Variants in GPR39 observed in about 807,000 individuals in gnomAD.
GPR39 encodes G protein-coupled receptor 39.
Under a neutral mutation model 18.4 loss-of-function variants are expected in GPR39, and 23 were observed. The ratio of observed to expected loss-of-function variants is 1.25; its 90% CI spans 0.90 to 1.77. The LOEUF (loss-of-function observed/expected upper bound fraction) is 1.77, where lower values mean the gene tolerates loss of function less well. Ranked by LOEUF, GPR39 falls within the 40% of genes most tolerant of loss-of-function variation. The probability of loss-of-function intolerance (pLI) is 0.00; values close to 1 mark genes in which losing one functional copy is unlikely to be tolerated. For synonymous variants in GPR39, 280 were observed against 257.9 expected, an observed-to-expected ratio of 1.09 and a Z score of -0.82; for missense variants, 647 against 602.4, an observed-to-expected ratio of 1.07 and a Z score of -0.78.
chr2:132,572,929 T>C (rs573383971), intron 1 of GPR39, among the ~76,000 whole-genome samples: 1 of 152,152 alleles, frequency 6.6e-6, no homozygotes, highest in South Asian at 2.1e-4. Flanking sequence ...TCTGTGGAGG[T>C]AGAGTCAGGA....
chr2:132,511,226 A>C lies in GPR39; in HGVS notation c.856+93328A>C, dbSNP rs548669480. On this transcript the variant is annotated intron_variant, in intron 1 of 1. Coordinates refer to ENST00000329321, the MANE Select transcript of GPR39 (RefSeq NM_001508.3). ...CATTTTCATATAGATTCAGTCTCCAAACCAAACCTGATATTTTATAACACT... is the reference window on the plus strand; with the variant it reads ...CATTTTCATATAGATTCAGTCTCCACACCAAACCTGATATTTTATAACACT... Among the ~76,000 whole-genome samples, 326 of 152,306 alleles carry C rather than the reference A, an allele frequency of 2.1e-3. 1 individual carries two copies. The highest frequency in any genetic ancestry group is 3.7e-3 in the Non-Finnish European group (254 of 68,018).
intron 1 of GPR39, among the ~76,000 whole-genome samples, chr2:132,611,397 C>A (rs566338957): frequency 5.4e-4 from 82 of 152,274 alleles, no homozygotes; most frequent in African/African-American, 1.8e-3. Flanking sequence ...TTCTCACTGC[C>A]GTCCTTTAGA....
chr2:132,500,328 G>C (rs4440019), intron 1 of GPR39, among the ~76,000 whole-genome samples: 120,304 of 152,076 alleles, frequency 0.79, 49,010 homozygotes, highest in Middle Eastern at 0.89. Flanking sequence ...TTTTCTGTAT[G>C]GAGATGATCA....
At chr2:132,508,348 C>G (rs1679173846) in intron 1 of GPR39, among the ~76,000 whole-genome samples, 1 of 152,130 alleles carries the variant, frequency 6.6e-6, no homozygotes, top group Non-Finnish European at 1.5e-5. Flanking sequence ...CCCCTTCTCT[C>G]CTGAGGCCCA....
At chr2:132,561,562 C>A (rs1254560067) in intron 1 of GPR39, among the ~76,000 whole-genome samples, 1 of 145,012 alleles carries the variant, frequency 6.9e-6, no homozygotes, top group Non-Finnish European at 1.5e-5. Flanking sequence ...GAAATAAAAT[C>A]ATTGAATATG....
intron 1 of GPR39, among the ~76,000 whole-genome samples, chr2:132,465,620 A>C (rs1258211877): frequency 6.6e-6 from 1 of 152,226 alleles, no homozygotes; most frequent in Non-Finnish European, 1.5e-5. Context: ...GCAGGTTTAC[A>C]GTGGAGTTGT....
At chr2:132,507,263 C>G (rs144889498) in intron 1 of GPR39, among the ~76,000 whole-genome samples, 143 of 152,120 alleles carry the variant, frequency 9.4e-4, no homozygotes, top group African/African-American at 3.1e-3. Flanking sequence ...AGGTAGTGCT[C>G]AGTGAAATAT....
chr2:132,538,008 C>T lies in GPR39; in HGVS notation c.857-107093C>T, dbSNP rs973393778. On this transcript the variant is annotated intron_variant, in intron 1 of 1. Transcript: ENST00000329321. ...GTTAGAACATGCTCCTTTAGCTCAG[C>T]GGAGTTTGTTATTACCCACCTTCTG... 5.3e-5 allele frequency among the ~76,000 whole-genome samples: 8 copies of T among 151,412 alleles called. 1 individual carries two copies. In the South Asian group the frequency reaches 6.2e-4, roughly 12 times the overall value.
intron 1 of GPR39, among the ~76,000 whole-genome samples, chr2:132,584,075 G>A (rs1680678104): frequency 6.6e-6 from 1 of 152,010 alleles, no homozygotes; most frequent in South Asian, 2.1e-4. Flanking sequence ...TTTTTGAGGG[G>A]TGGGGTAGGG....
At chr2:132,581,000 A>C (rs1294458663) in intron 1 of GPR39, among the ~76,000 whole-genome samples, 2 of 151,422 alleles carry the variant, frequency 1.3e-5, no homozygotes, top group Non-Finnish European at 2.9e-5. Context: ...AAAAAAAACA[A>C]CAAAAAAACT....
intron 1 of GPR39, among the ~76,000 whole-genome samples, chr2:132,429,709 A>T (rs966202923): frequency 6.6e-6 from 1 of 152,216 alleles, no homozygotes; most frequent in Non-Finnish European, 1.5e-5. Flanking sequence ...CCTAAGCCAG[A>T]TGTTTGCAGC....
intron 1 of GPR39, among the ~76,000 whole-genome samples, chr2:132,506,139 CT>C (rs1338766888): frequency 6.7e-6 from 1 of 148,226 alleles, no homozygotes; most frequent in Non-Finnish European, 1.5e-5. Flanking sequence ...TTTCATTTCC[CT>C]GATGATTAGT....
intron 1 of GPR39, among the ~76,000 whole-genome samples, chr2:132,438,519 C>T (rs948520417): frequency 1.4e-5 from 2 of 146,632 alleles, no homozygotes; most frequent in South Asian, 2.2e-4. Context: ...TAGCAAATTA[C>T]GTATGGGCAA....
At chr2:132,505,323 C>T (rs915816778) in intron 1 of GPR39, among the ~76,000 whole-genome samples, 3 of 152,098 alleles carry the variant, frequency 2.0e-5, no homozygotes, top group Non-Finnish European at 4.4e-5. Flanking sequence ...TTGTTGCATG[C>T]ATAGAATGTG....
At chr2:132,462,799 C>A (rs899152828) in intron 1 of GPR39, among the ~76,000 whole-genome samples, 7 of 152,150 alleles carry the variant, frequency 4.6e-5, no homozygotes, top group African/African-American at 1.7e-4. Flanking sequence ...GATGATGGTA[C>A]TAAAAGTCCT....
intron 1 of GPR39, among the ~76,000 whole-genome samples, chr2:132,567,237 G>A (rs549260693): frequency 2.2e-4 from 33 of 152,300 alleles, no homozygotes; most frequent in African/African-American, 6.7e-4. Flanking sequence ...CAGGAGAATC[G>A]CTTGAACCCG....
At chr2:132,492,930 C>A (rs1279923580) in intron 1 of GPR39, among the ~76,000 whole-genome samples, 3 of 139,900 alleles carry the variant, frequency 2.1e-5, no homozygotes, top group African/African-American at 7.9e-5. Flanking sequence ...TATATATACA[C>A]CATATATACA....
At chr2:132,572,661 T>C (rs965528683) in intron 1 of GPR39, among the ~76,000 whole-genome samples, 8 of 152,136 alleles carry the variant, frequency 5.3e-5, no homozygotes, top group East Asian at 1.9e-4. Flanking sequence ...CAGATATCCA[T>C]AGGAGTCCGC....
intron 1 of GPR39, among the ~76,000 whole-genome samples, chr2:132,521,658 C>A (rs936061414): frequency 5.3e-5 from 8 of 151,556 alleles, no homozygotes; most frequent in African/African-American, 1.9e-4. Flanking sequence ...TTTCACCAGA[C>A]TGGCTGCCTC....
Sources: gnomAD v4.1 joint callset for allele counts (sites outside exome capture counted in the v4.1 genomes callset) on GRCh38, gnomAD v4.1.1 for gene constraint, MANE v1.5 for transcripts, NCBI Gene and HGNC (gene_info 2026-07-23, HGNC 2026-07-21) for gene names.